Variants in MEIOB observed in about 807,000 individuals in gnomAD.
MEIOB encodes meiosis specific with OB-fold, also known as meiosis-specific with OB domain-containing protein.
A neutral mutation model predicts 53.1 loss-of-function variants in MEIOB; 50 were observed. That is an observed-to-expected ratio of 0.94 (90% CI 0.75 to 1.19). The LOEUF is 1.19. Ranked by LOEUF, MEIOB falls within the 50% of genes most tolerant of loss-of-function variation. MEIOB has a pLI of 0.00. For missense variants in MEIOB, 551 were observed against 550.8 expected (o/e 1.00, Z 0.00); for synonymous variants, 192 against 182.5 (o/e 1.05, Z -0.42).
At chr16:1,840,309 A>G (rs1898866784) in intron 11 of MEIOB, 1 of 152,172 alleles carries the variant, frequency 6.6e-6, no homozygotes, top group African/African-American at 2.4e-5. Flanking sequence ...CACATCATAA[A>G]ATGTTTTAAA....
At chr16:1,865,025 T>G (rs921302198) in intron 3 of MEIOB, among the ~76,000 whole-genome samples, 1 of 152,174 alleles carries the variant, frequency 6.6e-6, no homozygotes, top group Non-Finnish European at 1.5e-5. Flanking sequence ...GCATCATGCC[T>G]GTAATCTGAT....
intron 11 of MEIOB, 57 bp from the exon 12 acceptor site, chr16:1,839,495 T>C (rs1898841767): frequency 3.4e-6 from 5 of 1,471,762 alleles, no homozygotes; most frequent in Non-Finnish European, 4.6e-6. Flanking sequence ...AAATTTCATC[T>C]GTAGCAGAAA....
At chr16:1,856,551 C>G (rs1237349739) in intron 6 of MEIOB, among the ~76,000 whole-genome samples, 2 of 152,116 alleles carry the variant, frequency 1.3e-5, no homozygotes, top group African/African-American at 4.8e-5. Flanking sequence ...GATCTCCTGA[C>G]CTCGTGATCC....
intron 6 of MEIOB, 82 bp downstream of exon 6, chr16:1,857,653 G>T: frequency 9.1e-7 from 1 of 1,093,092 alleles, no homozygotes; most frequent in Non-Finnish European, 1.3e-6. Context: ...AGCTGATCGT[G>T]ACCACTCCAT....
At chr16:1,853,332 A>G (rs1899218373) in intron 7 of MEIOB, 61 bp from the exon 8 acceptor site, 2 of 1,270,738 alleles carry the variant, frequency 1.6e-6, no homozygotes, top group Non-Finnish European at 2.2e-6. Flanking sequence ...TGATAGTGAC[A>G]TATTATTTAC....
At chr16:1,855,840 C>T (rs985980033) in intron 6 of MEIOB, among the ~76,000 whole-genome samples, 8 of 152,086 alleles carry the variant, frequency 5.3e-5, no homozygotes, top group East Asian at 1.9e-4. Context: ...GCCCTGCCAT[C>T]TGAAAGGGTC....
At chr16:1,844,765 G>T in intron 10 of MEIOB, 97 bp downstream of exon 10, 1 of 627,558 alleles carries the variant, frequency 1.6e-6, no homozygotes, top group Non-Finnish European at 2.9e-6. Context: ...AGTAGTTACA[G>T]AATAGGAATC....
chr16:1,857,670 C>T (rs1899339949), intron 6 of MEIOB, 65 bp downstream of exon 6: 2 of 1,310,128 alleles, frequency 1.5e-6, no homozygotes, highest in Admixed American at 4.5e-5. Context: ...CCATCCCAAA[C>T]ACAGATCAAG....
chr16:1,869,910 C>T (rs1302842889), intron 1 of MEIOB, among the ~76,000 whole-genome samples: 4 of 137,270 alleles, frequency 2.9e-5, no homozygotes, highest in East Asian at 2.2e-4. Context: ...CTCGCTCTGT[C>T]GCCCAGGATG....
In MEIOB at chr16:1,857,788, T is replaced by G; in HGVS notation, c.475A>C (p.Asn159His). The change falls in exon 6 of 14, where the codon AAT (asparagine) becomes CAT (histidine). Residue 159 changes from asparagine to histidine, a missense_variant. Coordinates refer to ENST00000325962, the MANE Select transcript of MEIOB (RefSeq NM_001163560.3). ...DYYSLGDIVA[N>H]GHSLNGRIIN... is the part of the protein sequence containing the mutation. ...ATCCTCCCATTAAGACTGTGTCCAT[T>G]TGCAACAATGTCACCCAGTGAATAA... 1 of 1,551,980 alleles carries G rather than the reference T, an allele frequency of 6.4e-7. No homozygotes were observed. Among genetic ancestry groups the G allele is most frequent in the Non-Finnish European group, 8.7e-7 (1 of 1,147,032 alleles).
At chr16:1,846,005 G>T (rs1899019092) in intron 9 of MEIOB, among the ~76,000 whole-genome samples, 1 of 152,194 alleles carries the variant, frequency 6.6e-6, no homozygotes. Flanking sequence ...CTCAGAACTA[G>T]GTTGTCAAAT....
chr16:1,866,654 C>G (rs2974854), intron 2 of MEIOB, among the ~76,000 whole-genome samples: 125,472 of 151,996 alleles, frequency 0.83, 51,909 homozygotes, highest in Middle Eastern at 0.9. Context: ...CCCAGAGGCA[C>G]AGGTTGCAGT....
intron 9 of MEIOB, among the ~76,000 whole-genome samples, chr16:1,849,335 G>C (rs773878089): frequency 1.3e-5 from 2 of 151,934 alleles, no homozygotes; most frequent in Non-Finnish European, 2.9e-5. Context: ...GGCAGATCAC[G>C]AGATCAAGAC....
chr16:1,839,493 T>C (rs1444229177), intron 11 of MEIOB, 55 bp from the exon 12 acceptor site: 3 of 1,476,660 alleles, frequency 2.0e-6, no homozygotes, highest in Admixed American at 4.3e-5. Flanking sequence ...ACAAATTTCA[T>C]CTGTAGCAGA....
Position 1,853,192 on chromosome 16 carries a change from T to C in MEIOB, c.682+27A>G, listed in dbSNP as rs778256765. On this transcript the variant is annotated intron_variant, in intron 8 of 13. Transcript: ENST00000325962. ...CATGGGAGGATATAAATGACAAATATTGGACACAATCATTGAATGATAATA... is the reference window on the plus strand; with the variant it reads ...CATGGGAGGATATAAATGACAAATACTGGACACAATCATTGAATGATAATA... 7.0e-6 allele frequency: 11 copies of C among 1,561,102 alleles called. No individual in the cohort carries two copies. In the Admixed American group the frequency reaches 1.9e-4, roughly 27 times the overall value.
At position 1,857,967 on chromosome 16, in the gene MEIOB, G is replaced by T. The variant is rs76031847; in HGVS notation, c.333-37C>A. On this transcript the variant is annotated intron_variant, in intron 5 of 13. Transcript: ENST00000325962. ...AAACACAAGAAAGTTATTTGAAAGT[G>T]ATCTTTGGAAAGAAAAATATTTCCA... The T allele has an allele frequency of 4.8e-3, 6,503 of 1,355,450 alleles. 229 individuals carry two copies. The East Asian group carries it at 0.092, about 19-fold the overall frequency. The allele number at this position is 1,355,450 out of a possible 1,614,324, so 84.0% of individuals were successfully genotyped here. A position where few individuals can be genotyped will look rare whatever the true frequency, so the allele number is the denominator to read the frequency against.
In MEIOB at chr16:1,864,487, C is replaced by CTTTT. The variant is rs1475030667; in HGVS notation, c.127+1287_127+1290dup. Among the ~76,000 whole-genome samples, 8 of 113,286 alleles carry CTTTT rather than the reference C, an allele frequency of 7.1e-5. 2 individuals are homozygous for CTTTT. Among genetic ancestry groups the CTTTT allele is most frequent in the African/African-American group, 1.1e-4 (3 of 28,256 alleles). 74.3% of individuals were successfully genotyped at this position (113,286 alleles called of 152,430 possible). A position where few individuals can be genotyped will look rare whatever the true frequency, so the allele number is the denominator to read the frequency against. On this transcript the variant is annotated intron_variant, in intron 3 of 13. Transcript: ENST00000325962. ...AAAACTGTGAATTTCTTTTTCTTTT[C>CTTTT]TTTTTTTTTTTTTTTTTTGAGACAG...
chr16:1,865,901 A>G, intron 2 of MEIOB, 66 bp from the exon 3 acceptor site: 1 of 1,118,740 alleles, frequency 8.9e-7, no homozygotes, highest in South Asian at 1.5e-5. Context: ...ATTTAATTTC[A>G]TGGGCTTGTT....
chr16:1,865,158 A>G (rs1899554162), intron 3 of MEIOB, among the ~76,000 whole-genome samples: 1 of 152,094 alleles, frequency 6.6e-6, no homozygotes. Context: ...GGGGCTGGGC[A>G]TGGTGGCTCA....
Sources: gnomAD v4.1 joint callset for allele counts (sites outside exome capture counted in the v4.1 genomes callset) on GRCh38, gnomAD v4.1.1 for gene constraint, MANE v1.5 for transcripts, NCBI Gene and HGNC (gene_info 2026-07-23, HGNC 2026-07-21) for gene names.